CALCRL: variants seen among roughly 807,000 people sequenced by gnomAD.
CALCRL encodes the protein calcitonin gene-related peptide type 1 receptor.
Under a neutral mutation model 60.4 loss-of-function variants are expected in CALCRL, and 27 were observed. The observed-to-expected ratio is 0.45, with a 90% CI of 0.33 to 0.62. CALCRL has a LOEUF of 0.62. CALCRL is among the 20% of genes least tolerant of loss of function. CALCRL has a pLI of 0.03. For synonymous variants in CALCRL, 190 were observed against 182.6 expected, an observed-to-expected ratio of 1.04 and a Z score of -0.33; for missense variants, 424 against 540.7, an observed-to-expected ratio of 0.78 and a Z score of 2.14.
rs901341865 is a variant in CALCRL at position 187,441,136 on chromosome 2, A to G, written c.-293+6903T>C. On this transcript the variant is annotated intron_variant, in intron 1 of 14. Transcript: ENST00000392370. ...AAGGTAAAAAATTATATTAGAAGCA[A>G]TTGAAAGGGAGATATTTCAGAATAT... is the stretch of plus-strand genomic sequence containing the variant. Among the ~76,000 whole-genome samples, 12 of 152,132 alleles carry G rather than the reference A, an allele frequency of 7.9e-5. No individual in the cohort carries two copies. In the South Asian group the frequency reaches 2.5e-3, roughly 31 times the overall value.
intron 14 of CALCRL, among the ~76,000 whole-genome samples, chr2:187,350,784 G>A (rs1309154151): frequency 2.0e-5 from 3 of 151,518 alleles, no homozygotes; most frequent in Non-Finnish European, 4.4e-5. Flanking sequence ...ATACCAACTG[G>A]TCCCATGTGT....
Position 187,385,530 on chromosome 2 carries a change from T to C in CALCRL, c.51+15A>G, listed in dbSNP as rs1197673088. 1 of 1,249,492 alleles carries C rather than the reference T, an allele frequency of 8.0e-7. No individual in the cohort carries two copies. Among genetic ancestry groups the C allele is most frequent in the Non-Finnish European group, 1.2e-6 (1 of 865,646 alleles). The allele number at this position is 1,249,492 out of a possible 1,614,324, so 77.4% of individuals were successfully genotyped here. A position where few individuals can be genotyped will look rare whatever the true frequency, so the allele number is the denominator to read the frequency against. The stretch of plus-strand genomic sequence containing the variant: ...AAGCAATAACAGACATAATCATATA[T>C]ATTTTTATGCTTACCATAAAAAAAG... On this transcript the variant is annotated intron_variant, in intron 4 of 14. Coordinates refer to ENST00000392370, the MANE Select transcript of CALCRL (RefSeq NM_005795.6).
At chr2:187,393,463 A>C (rs1229606947) in intron 1 of CALCRL, among the ~76,000 whole-genome samples, 1 of 152,128 alleles carries the variant, frequency 6.6e-6, no homozygotes, top group African/African-American at 2.4e-5. Flanking sequence ...GGCATTATTA[A>C]TGTCACAGAA....
chr2:187,384,328 C>T lies in CALCRL; in HGVS notation c.52-1023G>A, dbSNP rs531997178. ...AGAAAATTAATATATTTGAAAAGCACGTAACTCCTGTTCTTCCCAAAAAGT... is the reference window on the plus strand; with the variant it reads ...AGAAAATTAATATATTTGAAAAGCATGTAACTCCTGTTCTTCCCAAAAAGT... On this transcript the variant is annotated intron_variant, in intron 4 of 14. Transcript: ENST00000392370. Among the ~76,000 whole-genome samples, 10 of 152,218 alleles carry T rather than the reference C, an allele frequency of 6.6e-5. No individual in the cohort carries two copies. The South Asian group carries it at 1.2e-3, about 19-fold the overall frequency.
At chr2:187,379,185 A>G (rs1012597213) in intron 7 of CALCRL, among the ~76,000 whole-genome samples, 154 bp from the exon 8 acceptor site, 15 of 152,148 alleles carry the variant, frequency 9.9e-5, no homozygotes, top group African/African-American at 3.4e-4. Flanking sequence ...CAAACCAATA[A>G]ATACTTGAAC....
intron 1 of CALCRL, among the ~76,000 whole-genome samples, chr2:187,399,315 C>T (rs1003842730): frequency 6.6e-6 from 1 of 151,390 alleles, no homozygotes; most frequent in Non-Finnish European, 1.5e-5. Context: ...ATAGTCTTAG[C>T]AGTATATGCT....
At chr2:187,359,013 A>C in intron 12 of CALCRL, 50 bp downstream of exon 12, 1 of 1,437,876 alleles carries the variant, frequency 7.0e-7, no homozygotes, top group Non-Finnish European at 9.8e-7. Context: ...TGATTCAGAA[A>C]TAAAGTTGAA....
At chr2:187,346,878 T>C (rs1018462028) in intron 14 of CALCRL, among the ~76,000 whole-genome samples, 2 of 151,848 alleles carry the variant, frequency 1.3e-5, no homozygotes, top group East Asian at 3.9e-4. Context: ...CAGCAACCTT[T>C]GTTTCTGAGT....
At chr2:187,422,613 T>C (rs1689927421) in intron 1 of CALCRL, among the ~76,000 whole-genome samples, 1 of 152,048 alleles carries the variant, frequency 6.6e-6, no homozygotes, top group Non-Finnish European at 1.5e-5. Context: ...ACAGAATGCT[T>C]TGTTAAATTT....
chr2:187,434,736 T>C (rs1690558236), intron 1 of CALCRL, among the ~76,000 whole-genome samples: 1 of 152,186 alleles, frequency 6.6e-6, no homozygotes, highest in Non-Finnish European at 1.5e-5. Flanking sequence ...AAATACATTG[T>C]GTTACATTCA....
At chr2:187,395,727 C>G (rs934552730) in intron 1 of CALCRL, among the ~76,000 whole-genome samples, 2 of 151,872 alleles carry the variant, frequency 1.3e-5, no homozygotes, top group Non-Finnish European at 2.9e-5. Context: ...TTCAAACACT[C>G]TCCATGGAAC....
intron 14 of CALCRL, among the ~76,000 whole-genome samples, chr2:187,347,041 C>A (rs1344907814): frequency 6.6e-6 from 1 of 151,786 alleles, no homozygotes; most frequent in Non-Finnish European, 1.5e-5. Context: ...AATGTAACCA[C>A]TCCATTTTTA....
At chr2:187,426,826 T>G (rs1690157734) in intron 1 of CALCRL, among the ~76,000 whole-genome samples, 1 of 152,176 alleles carries the variant, frequency 6.6e-6, no homozygotes, top group South Asian at 2.1e-4. Context: ...GGCAGGCTGG[T>G]TTTAAAGTTT....
intron 1 of CALCRL, among the ~76,000 whole-genome samples, chr2:187,415,296 G>C (rs939123873): frequency 2.5e-4 from 38 of 152,102 alleles, no homozygotes; most frequent in African/African-American, 8.9e-4. Flanking sequence ...ACATGAAAAC[G>C]GGTTTTGAAA....
chr2:187,352,490 G>A (rs1686577691), intron 12 of CALCRL, among the ~76,000 whole-genome samples, 158 bp from the exon 13 acceptor site: 1 of 151,404 alleles, frequency 6.6e-6, no homozygotes, highest in Admixed American at 6.6e-5. Context: ...TATATTTCTG[G>A]AATTGTGATT....
intron 1 of CALCRL, among the ~76,000 whole-genome samples, chr2:187,402,353 A>G (rs1460869315): frequency 6.6e-6 from 1 of 151,620 alleles, no homozygotes; most frequent in Non-Finnish European, 1.5e-5. Flanking sequence ...TAGGTACTCA[A>G]TTAAATTTTA....
intron 1 of CALCRL, among the ~76,000 whole-genome samples, chr2:187,402,850 G>A (rs1467136586): frequency 2.0e-5 from 3 of 151,906 alleles, no homozygotes; most frequent in South Asian, 2.1e-4. Context: ...ATGCAGTAGA[G>A]CCATATGACA....
At chr2:187,425,997 A>G (rs1017278226) in intron 1 of CALCRL, among the ~76,000 whole-genome samples, 7 of 151,934 alleles carry the variant, frequency 4.6e-5, no homozygotes, top group Non-Finnish European at 8.8e-5. Flanking sequence ...CTCTCCTTGA[A>G]ATCATATCCC....
At chr2:187,357,904 C>T (rs555617493) in intron 12 of CALCRL, among the ~76,000 whole-genome samples, 11 of 151,532 alleles carry the variant, frequency 7.3e-5, no homozygotes, top group Admixed American at 5.3e-4. Context: ...CAAACCTGCA[C>T]GTTCTGCACA....
Sources: gnomAD v4.1 joint callset for allele counts (sites outside exome capture counted in the v4.1 genomes callset) on GRCh38, gnomAD v4.1.1 for gene constraint, MANE v1.5 for transcripts, NCBI Gene and HGNC (gene_info 2026-07-23, HGNC 2026-07-21) for gene names.